ITPR1: variants seen among roughly 807,000 people sequenced by gnomAD.
ITPR1 encodes inositol 1,4,5-trisphosphate-gated calcium channel ITPR1.
ITPR1 carries 96 observed loss-of-function variants against 318.4 expected under a neutral mutation model. The ratio of observed to expected loss-of-function variants is 0.30; its 90% CI spans 0.26 to 0.36. The LOEUF (loss-of-function observed/expected upper bound fraction) is 0.36. ITPR1 is among the 10% of genes least tolerant of loss of function. The pLI, the probability that ITPR1 is intolerant of heterozygous loss-of-function variation, is 1.00. For synonymous variants in ITPR1, 1,312 were observed against 1,289.9 expected (o/e 1.02, Z -0.37); for missense variants, 2,440 against 3,460.2 (o/e 0.71, Z 7.40).
intron 4 of ITPR1, among the ~76,000 whole-genome samples, chr3:4,562,491 A>C (rs1031502079): frequency 1.3e-5 from 2 of 152,172 alleles, no homozygotes; most frequent in Admixed American, 1.3e-4. Context: ...AATTGTTTAC[A>C]CTAAGATTAC....
chr3:4,590,494 C>T (rs2090306578), intron 4 of ITPR1, among the ~76,000 whole-genome samples: 2 of 150,484 alleles, frequency 1.3e-5, no homozygotes, highest in South Asian at 2.1e-4. Context: ...AACGGTCAGT[C>T]TGGTCTTCTC....
intron 2 of ITPR1, 37 bp downstream of exon 2, chr3:4,494,543 A>G (rs1476316419): frequency 6.6e-6 from 1 of 152,136 alleles, no homozygotes; most frequent in Non-Finnish European, 1.5e-5. Flanking sequence ...GTCAATAATG[A>G]GTTTTTGTCC....
At chr3:4,677,962 G>A (rs921531968) in intron 24 of ITPR1, among the ~76,000 whole-genome samples, 6 of 152,080 alleles carry the variant, frequency 3.9e-5, no homozygotes, top group Admixed American at 1.3e-4. Flanking sequence ...TTTCTGTGCC[G>A]TGTAGGTAAC....
chr3:4,511,111 G>T (rs1425465720), intron 2 of ITPR1, among the ~76,000 whole-genome samples: 1 of 152,104 alleles, frequency 6.6e-6, no homozygotes, highest in Non-Finnish European at 1.5e-5. Flanking sequence ...GACAGATTTG[G>T]GAATCCTCTT....
At chr3:4,588,331 A>C (rs1447849493) in intron 4 of ITPR1, among the ~76,000 whole-genome samples, 2 of 148,730 alleles carry the variant, frequency 1.3e-5, no homozygotes, top group African/African-American at 2.5e-5. Context: ...ACGTATGTGC[A>C]TACCTGTTTC....
chr3:4,763,127 C>G (rs1330224540), intron 44 of ITPR1, among the ~76,000 whole-genome samples: 1 of 152,190 alleles, frequency 6.6e-6, no homozygotes, highest in East Asian at 1.9e-4. Flanking sequence ...CACATGTTCT[C>G]ATTTACAAGT....
intron 44 of ITPR1, among the ~76,000 whole-genome samples, chr3:4,748,282 C>A (rs967957041): frequency 5.9e-5 from 9 of 152,192 alleles, no homozygotes; most frequent in African/African-American, 1.9e-4. Context: ...GTGCCCTGTA[C>A]CCACTTTGGA....
chr3:4,526,347 A>G (rs1292580228), intron 4 of ITPR1, among the ~76,000 whole-genome samples: 5 of 152,238 alleles, frequency 3.3e-5, no homozygotes, highest in Admixed American at 3.3e-4. Flanking sequence ...CAGACTGAAT[A>G]TGTGGATGTT....
In ITPR1 at chr3:4,683,748, G is replaced by A. The variant is rs770583546; in HGVS notation, c.3448G>A (p.Asp1150Asn). 44 of 1,613,884 alleles carry A rather than the reference G, an allele frequency of 2.7e-5. No individual in the cohort carries two copies. The highest frequency in any genetic ancestry group is 1.9e-4 in the South Asian group (17 of 91,082). The change falls in exon 28 of 62, where the codon GAT becomes AAT. Residue 1150 changes from aspartate (D) to asparagine (N), a missense_variant. This residue lies in a region of ITPR1 where 86 missense variants were observed against 75.6 expected (regional missense o/e 1.14). Transcript: ENST00000649015. ...ELWVYKGQGPDETMDGASGEN... is the reference protein window; with the variant it reads ...ELWVYKGQGPNETMDGASGEN... ...TTGGGTGTACAAAGGGCAGGGCCCCGATGAGACTATGGATGGTGCATCTGG... is the reference window on the plus strand; with the variant it reads ...TTGGGTGTACAAAGGGCAGGGCCCCAATGAGACTATGGATGGTGCATCTGG...
chr3:4,704,643 T>C (rs1306280711), intron 36 of ITPR1, among the ~76,000 whole-genome samples: 1 of 152,112 alleles, frequency 6.6e-6, no homozygotes, highest in African/African-American at 2.4e-5. Flanking sequence ...TTTTGTTTAA[T>C]ATTTTAGCAA....
chr3:4,805,817 T>C (rs911902453), intron 54 of ITPR1, among the ~76,000 whole-genome samples: 4 of 152,252 alleles, frequency 2.6e-5, no homozygotes, highest in Admixed American at 6.5e-5. Context: ...AATCATAATC[T>C]CAGTATGTGT....
intron 4 of ITPR1, among the ~76,000 whole-genome samples, chr3:4,559,835 T>A (rs9816891): frequency 0.56 from 84,920 of 152,036 alleles, 24,069 homozygotes; most frequent in African/African-American, 0.63. Context: ...AATGACAGCC[T>A]GTATAGGAAC....
At chr3:4,796,111 C>T (rs746394708) in intron 53 of ITPR1, among the ~76,000 whole-genome samples, 9 of 152,244 alleles carry the variant, frequency 5.9e-5, no homozygotes, top group East Asian at 1.9e-4. Flanking sequence ...CAGACATCAA[C>T]GGAAGCAGAC....
intron 4 of ITPR1, among the ~76,000 whole-genome samples, chr3:4,548,340 C>G (rs1214456149): frequency 1.3e-5 from 2 of 152,146 alleles, no homozygotes; most frequent in African/African-American, 4.8e-5. Flanking sequence ...TTTCTAGCAA[C>G]ATCATTCAAG....
chr3:4,604,064 T>C (rs1432003007), intron 4 of ITPR1, among the ~76,000 whole-genome samples: 2 of 152,202 alleles, frequency 1.3e-5, no homozygotes, highest in Non-Finnish European at 2.9e-5. Context: ...GTAGTTTTGA[T>C]TTGCATTTCT....
At chr3:4,818,347 C>G (rs1391424929) in intron 60 of ITPR1, 105 bp downstream of exon 60, 6 of 881,700 alleles carry the variant, frequency 6.8e-6, no homozygotes, top group Admixed American at 2.8e-5. Context: ...AGAATAACAT[C>G]CGATGTTGCC....
At chr3:4,643,256 G>T (rs982638465) in intron 7 of ITPR1, among the ~76,000 whole-genome samples, 1 of 152,196 alleles carries the variant, frequency 6.6e-6, no homozygotes, top group Non-Finnish European at 1.5e-5. Context: ...AAATTCAATT[G>T]TATATGCTCC....
intron 4 of ITPR1, among the ~76,000 whole-genome samples, chr3:4,622,588 TA>T (rs1413928720): frequency 6.6e-6 from 1 of 151,988 alleles, no homozygotes; most frequent in Non-Finnish European, 1.5e-5. Context: ...CACGCCCAGC[TA>T]ATTTTTGTAT....
In ITPR1 at chr3:4,765,064, T is replaced by TAAAAGAAAAG. The variant is rs3838621; in HGVS notation, c.5545-1452_5545-1443dup. 2.1e-3 allele frequency among the ~76,000 whole-genome samples: 316 copies of TAAAAGAAAAG among 149,436 alleles called. 2 individuals carry two copies. Among genetic ancestry groups the TAAAAGAAAAG allele is most frequent in the East Asian group, 0.015 (74 of 4,994 alleles). On this transcript the variant is annotated intron_variant, in intron 44 of 61. Transcript: ENST00000649015. ...TGGATGGATGAAATAGCAGGAAACCTAAAAGAAAAGAAAAGAAAAGAAACG... is the reference window on the plus strand; with the variant it reads ...TGGATGGATGAAATAGCAGGAAACCTAAAAGAAAAGAAAAGAAAAGAAAAGAAAAGAAACG...
Sources: gnomAD v4.1 joint callset for allele counts (sites outside exome capture counted in the v4.1 genomes callset) on GRCh38, gnomAD v4.1.1 for gene constraint, gnomAD v4.1.1 regional missense constraint, MANE v1.5 for transcripts, NCBI Gene and HGNC (gene_info 2026-07-23, HGNC 2026-07-21) for gene names.